The following KAT14 variants were observed in gnomAD, a reference collection of about 807,000 sequenced individuals.
KAT14 encodes the protein lysine acetyltransferase 14, also known as cysteine-rich protein 2-binding protein.
KAT14 carries 66 observed loss-of-function variants against 78.4 expected under a neutral mutation model. That is an observed-to-expected ratio of 0.84 (90% confidence interval 0.69 to 1.03). The LOEUF (loss-of-function observed/expected upper bound fraction) is 1.03, where lower values mean the gene tolerates loss of function less well. Among genes scored for constraint, KAT14 ranks in the 50% least tolerant of loss-of-function variants. KAT14 has a pLI of 0.00. For missense variants in KAT14, 870 were observed against 972.5 expected, an observed-to-expected ratio of 0.89 and a Z score of 1.40; for synonymous variants, 344 against 359.4, an observed-to-expected ratio of 0.96 and a Z score of 0.48.
chr20:18,140,726 C>T (rs758026479), intron 1 of KAT14, among the ~76,000 whole-genome samples: 6 of 147,566 alleles, frequency 4.1e-5, no homozygotes, highest in African/African-American at 5.0e-5. Context: ...GCACAAGAAT[C>T]GCTTTAACTC....
chr20:18,138,186 C>T, intron 1 of KAT14, 135 bp downstream of exon 1: 3 of 1,267,260 alleles, frequency 2.4e-6, no homozygotes, highest in East Asian at 3.2e-5. Flanking sequence ...CTGCACCCCA[C>T]GCGTTTGCGG....
chr20:18,146,761 C>G (rs1005242372), intron 3 of KAT14, among the ~76,000 whole-genome samples: 1 of 151,944 alleles, frequency 6.6e-6, no homozygotes, highest in Non-Finnish European at 1.5e-5. Context: ...GGGAGGGTTG[C>G]TTGAGCCTGG....
rs1009166788 is a variant in KAT14, at chr20:18,183,613, G to A, written c.1981+315G>A. The A allele has an allele frequency of 8.1e-6, 7 of 869,292 alleles. No individual in the cohort carries two copies. In the African/African-American group the frequency reaches 9.1e-5, roughly 11 times the overall value. The allele number at this position is 869,292 out of a possible 1,614,324, so 53.8% of individuals were successfully genotyped here. ...TCTATCAAAGATACACAGACTGGTA[G>A]CTTGGGCGTGTTTGGACACTTTTGT... On this transcript the variant is annotated intron_variant, in intron 9 of 10. Coordinates refer to ENST00000688188, the MANE Select transcript of KAT14 (RefSeq NM_001392073.1).
chr20:18,147,677 C>T (rs1389022741), intron 3 of KAT14, among the ~76,000 whole-genome samples: 1 of 152,170 alleles, frequency 6.6e-6, no homozygotes, highest in Non-Finnish European at 1.5e-5. Context: ...CTCCGCCTCC[C>T]AGGTTCAAGC....
intron 3 of KAT14, among the ~76,000 whole-genome samples, 173 bp from the exon 4 acceptor site, chr20:18,150,648 A>G (rs1020047403): frequency 2.0e-5 from 3 of 152,204 alleles, no homozygotes; most frequent in Non-Finnish European, 2.9e-5. Flanking sequence ...TAACGAAAGT[A>G]AAAAAGGAAG....
At chr20:18,155,519 T>C (rs145249482) in intron 4 of KAT14, among the ~76,000 whole-genome samples, 1 of 152,206 alleles carries the variant, frequency 6.6e-6, no homozygotes, top group Non-Finnish European at 1.5e-5. Flanking sequence ...CTTCTAATCA[T>C]AGAGGTGAAA....
At position 18,142,697 on chromosome 20, in the gene KAT14, C is replaced by T. The variant is rs542377533; in HGVS notation, c.37C>T (p.Arg13Trp). 25 of 1,614,094 alleles carry T rather than the reference C, an allele frequency of 1.5e-5. No homozygotes were observed. The highest frequency in any genetic ancestry group is 4.0e-5 in the African/African-American group (3 of 75,010). ...CATCCACCTGAGTAGTCTGATCAGT[C>T]GGCATGATGACGAAGCCACGAGAAC... ...SSIHLSSLIS[R>W]HDDEATRTST... The change falls in exon 2 of 11, where the codon CGG becomes TGG. Residue 13 changes from arginine (R) to tryptophan (W), a missense_variant. By Grantham distance (101) the Arg-to-Trp change is moderately radical. Transcript: ENST00000688188.
chr20:18,178,678 C>T (rs571498147), intron 7 of KAT14, among the ~76,000 whole-genome samples: 2 of 152,282 alleles, frequency 1.3e-5, no homozygotes, highest in South Asian at 2.1e-4. Context: ...GTCTCTCCCA[C>T]ACCATGTGGG....
chr20:18,187,737 A>G lies in KAT14; in HGVS notation c.*278A>G. The G allele has an allele frequency of 2.4e-6, 1 of 425,258 alleles. No homozygotes were observed. Among genetic ancestry groups the G allele is most frequent in the Non-Finnish European group, 4.2e-6 (1 of 239,218 alleles). The allele number at this position is 425,258 out of a possible 1,614,324, so 26.3% of individuals were successfully genotyped here. A position where few individuals can be genotyped will look rare whatever the true frequency, so the allele number is the denominator to read the frequency against. On this transcript the variant is annotated 3_prime_UTR_variant, in exon 11 of 11. Transcript: ENST00000688188. ...TGTCGTGATTCTCCCTCCACCTGAC[A>G]GTTTGTAAGAGTGAAAGAGCATCTA... is the stretch of plus-strand genomic sequence containing the variant.
chr20:18,181,664 C>T (rs771436677), intron 7 of KAT14, 46 bp from the exon 8 acceptor site: 19 of 1,611,932 alleles, frequency 1.2e-5, no homozygotes, highest in Admixed American at 1.2e-4. Flanking sequence ...CCACTGTGCC[C>T]AGCCTGAGTA....
At chr20:18,180,117 C>T (rs1327351308) in intron 7 of KAT14, among the ~76,000 whole-genome samples, 1 of 152,170 alleles carries the variant, frequency 6.6e-6, no homozygotes, top group Non-Finnish European at 1.5e-5. Context: ...GATCTGCCCA[C>T]CTCCGTCTCC....
At chr20:18,165,713 C>G (rs984652179) in intron 7 of KAT14, among the ~76,000 whole-genome samples, 1 of 152,162 alleles carries the variant, frequency 6.6e-6, no homozygotes, top group Non-Finnish European at 1.5e-5. Flanking sequence ...ACTAGGGAGT[C>G]CTGGGAAACA....
chr20:18,181,973 A>C (rs1020352030), intron 8 of KAT14, 127 bp downstream of exon 8: 2 of 1,391,100 alleles, frequency 1.4e-6, no homozygotes, highest in African/African-American at 2.9e-5. Context: ...GCAAGGACTG[A>C]GTTCTGTGCT....
rs745379923 is a variant in KAT14, at chr20:18,162,484, G to T, written c.1207G>T (p.Val403Phe). ...SGPVVGVRKK[V>F]RGPEQIKQEV... is the part of the protein sequence containing the mutation. ...GCCAGTGGTTGGGGTCAGAAAGAAG[G>T]TCAGAGGCCCTGAACAGATAAAGCA... The change falls in exon 7 of 11, where the codon GTC becomes TTC. Residue 403 changes from valine (V) to phenylalanine (F), a missense_variant. Val to Phe is a conservative substitution (Grantham distance 50). Coordinates refer to ENST00000688188, the MANE Select transcript of KAT14 (RefSeq NM_001392073.1). 3 of 1,614,134 alleles carry T rather than the reference G, an allele frequency of 1.9e-6. No homozygotes were observed. The South Asian group carries it at 3.3e-5, about 18-fold the overall frequency.
At chr20:18,181,619 T>C (rs2039255779) in intron 7 of KAT14, 91 bp from the exon 8 acceptor site, 1 of 1,568,594 alleles carries the variant, frequency 6.4e-7, no homozygotes, top group Non-Finnish European at 8.7e-7. Flanking sequence ...TCCGCCTACC[T>C]CAGCTTCCCA....
At chr20:18,181,655 C>G (rs887558628) in intron 7 of KAT14, 55 bp from the exon 8 acceptor site, 4 of 1,608,362 alleles carry the variant, frequency 2.5e-6, no homozygotes, top group Non-Finnish European at 3.4e-6. Context: ...CGGCATGAGC[C>G]ACTGTGCCCA....
In KAT14 at chr20:18,187,453, G is replaced by C; in HGVS notation, c.2340G>C (p.Arg780=). 6.2e-7 allele frequency: 1 copy of C among 1,614,014 alleles called. No homozygotes were observed. Among genetic ancestry groups the C allele is most frequent in the Non-Finnish European group, 8.5e-7 (1 of 1,179,972 alleles). Residue 780 remains arginine (R), a synonymous_variant, in exon 11 of 11, where the codon CGG becomes CGC. Coordinates refer to ENST00000688188, the MANE Select transcript of KAT14 (RefSeq NM_001392073.1). ...AACACGCATTCTTTCTGAGGCTCCG[G>C]CGCTGATGCGAATACAGCTCACAGA... is the stretch of plus-strand genomic sequence containing the variant. ...ECKHAFFLRL[R]R
intron 1 of KAT14, among the ~76,000 whole-genome samples, chr20:18,138,859 A>G (rs1012977845): frequency 6.6e-6 from 1 of 152,198 alleles, no homozygotes; most frequent in African/African-American, 2.4e-5. Context: ...TGGGAATACA[A>G]AGATAAGGAA....
intron 4 of KAT14, among the ~76,000 whole-genome samples, chr20:18,152,356 C>G (rs1403848073): frequency 6.6e-6 from 1 of 152,112 alleles, no homozygotes. Flanking sequence ...GCGAGCAGAT[C>G]ACCTGAGGTC....
Sources: allele counts gnomAD v4.1 joint callset (sites outside exome capture counted in the v4.1 genomes callset), GRCh38; gene constraint gnomAD v4.1.1; transcripts MANE v1.5; gene names NCBI Gene and HGNC (gene_info 2026-07-23, HGNC 2026-07-21).